The following IPCEF1 variants were observed in gnomAD, a reference collection of about 807,000 sequenced individuals.
IPCEF1 encodes interaction protein for cytohesin exchange factors 1.
Under a neutral mutation model 50.9 loss-of-function variants are expected in IPCEF1, and 31 were observed. The observed-to-expected ratio is 0.61, with a 90% CI of 0.46 to 0.82. The LOEUF (loss-of-function observed/expected upper bound fraction) is 0.82, where lower values mean the gene tolerates loss of function less well. IPCEF1 is among the 40% of genes least tolerant of loss of function. The pLI, the probability that IPCEF1 is intolerant of heterozygous loss-of-function variation, is 0.00. For missense variants in IPCEF1, 458 were observed against 514.0 expected (o/e 0.89, Z 1.05); for synonymous variants, 181 against 192.0 (o/e 0.94, Z 0.47).
At chr6:154,297,750 T>C (rs564090155) in intron 1 of IPCEF1, among the ~76,000 whole-genome samples, 1 of 152,354 alleles carries the variant, frequency 6.6e-6, no homozygotes, top group South Asian at 2.1e-4. Flanking sequence ...GGTCATTCTG[T>C]ACATACAGTT....
At chr6:154,303,087 T>C (rs1782838991) in intron 1 of IPCEF1, among the ~76,000 whole-genome samples, 1 of 136,928 alleles carries the variant, frequency 7.3e-6, no homozygotes, top group African/African-American at 2.7e-5. Context: ...ATAGCTATGA[T>C]AGCACTTTTT....
intron 6 of IPCEF1, among the ~76,000 whole-genome samples, chr6:154,222,539 T>C (rs1181794051): frequency 6.6e-6 from 1 of 152,152 alleles, no homozygotes. Context: ...GAGGAGCACT[T>C]GAATGAGAGT....
intron 7 of IPCEF1, among the ~76,000 whole-genome samples, chr6:154,214,680 T>C (rs1384999950): frequency 6.6e-6 from 1 of 152,196 alleles, no homozygotes; most frequent in Non-Finnish European, 1.5e-5. Context: ...TGTCAGTTTA[T>C]TTTAGAAAAA....
chr6:154,341,578 C>T (rs1211592987), intron 1 of IPCEF1, among the ~76,000 whole-genome samples: 2 of 152,186 alleles, frequency 1.3e-5, no homozygotes, highest in Admixed American at 1.3e-4. Context: ...CAGGCTAAAT[C>T]AGTTCCGGAT....
Position 154,199,988 on chromosome 6 carries a change from G to A in IPCEF1, c.590C>T (p.Ser197Phe). The A allele has an allele frequency of 6.2e-7, 1 of 1,614,182 alleles. No individual in the cohort carries two copies. Among genetic ancestry groups the A allele is most frequent in the East Asian group, 2.2e-5 (1 of 44,888 alleles). ...SSPSLSGTSY[S>F]FSSLENTVKT... is the part of the protein sequence containing the mutation. ...CACTGTATTTTCCAGGGAAGAGAAA[G>A]AATACGACGTTCCACTCAGGCTGGG... The change falls in exon 10 of 12, where the codon TCT (serine) becomes TTT (phenylalanine). Residue 197 changes from serine to phenylalanine, a missense_variant. Transcript: ENST00000367220.
chr6:154,284,646 T>G (rs961712111), intron 2 of IPCEF1, among the ~76,000 whole-genome samples: 1 of 152,164 alleles, frequency 6.6e-6, no homozygotes, highest in Admixed American at 6.5e-5. Flanking sequence ...CTGAGTGACT[T>G]TGTGGAGTAG....
At chr6:154,353,163 G>C (rs1784145685) in intron 1 of IPCEF1, among the ~76,000 whole-genome samples, 1 of 152,138 alleles carries the variant, frequency 6.6e-6, no homozygotes. Flanking sequence ...TAAATTTTAA[G>C]TGTCATTTCT....
At chr6:154,334,425 G>A (rs1030072645) in intron 1 of IPCEF1, among the ~76,000 whole-genome samples, 1 of 152,082 alleles carries the variant, frequency 6.6e-6, no homozygotes, top group Non-Finnish European at 1.5e-5. Flanking sequence ...AAGTATGTTT[G>A]GTATCTATGA....
At chr6:154,194,877 T>C (rs1217950113) in intron 10 of IPCEF1, among the ~76,000 whole-genome samples, 1 of 152,102 alleles carries the variant, frequency 6.6e-6, no homozygotes, top group Admixed American at 6.5e-5. Context: ...CCAATGATCA[T>C]ATATTCAAGG....
intron 1 of IPCEF1, among the ~76,000 whole-genome samples, chr6:154,349,194 T>C (rs1158773589): frequency 2.0e-5 from 3 of 150,524 alleles, no homozygotes; most frequent in Non-Finnish European, 3.0e-5. Context: ...TTATTATTAT[T>C]ATTATTATTA....
At chr6:154,308,487 T>A (rs2128679169) in intron 1 of IPCEF1, among the ~76,000 whole-genome samples, 1 of 152,248 alleles carries the variant, frequency 6.6e-6, no homozygotes, top group South Asian at 2.1e-4. Flanking sequence ...ATTTATCTTT[T>A]TACAAAACTT....
intron 5 of IPCEF1, among the ~76,000 whole-genome samples, chr6:154,226,916 G>T (rs567752177): frequency 6.6e-6 from 1 of 152,174 alleles, no homozygotes; most frequent in Non-Finnish European, 1.5e-5. Context: ...AATACTTCTG[G>T]CCAGGCGCAG....
intron 10 of IPCEF1, among the ~76,000 whole-genome samples, chr6:154,195,559 T>C (rs1776545885): frequency 6.6e-6 from 1 of 152,142 alleles, no homozygotes; most frequent in East Asian, 1.9e-4. Flanking sequence ...CTCAACCAAA[T>C]GTCCTTTCCA....
At chr6:154,306,355 C>A (rs1245796563) in intron 1 of IPCEF1, among the ~76,000 whole-genome samples, 1 of 151,726 alleles carries the variant, frequency 6.6e-6, no homozygotes, top group African/African-American at 2.4e-5. Flanking sequence ...CCTTTCATTT[C>A]TTTTTATTTT....
chr6:154,271,698 A>G (rs1271849975), intron 2 of IPCEF1, among the ~76,000 whole-genome samples: 1 of 152,144 alleles, frequency 6.6e-6, no homozygotes, highest in African/African-American at 2.4e-5. Context: ...TATGCTTAAA[A>G]CTAGGCCGGG....
chr6:154,253,159 A>G (rs1781378367), intron 3 of IPCEF1, among the ~76,000 whole-genome samples: 1 of 151,816 alleles, frequency 6.6e-6, no homozygotes. Flanking sequence ...CATTACACTA[A>G]CTTGAATGTG....
At chr6:154,231,667 A>G (rs961175914) in intron 5 of IPCEF1, among the ~76,000 whole-genome samples, 1 of 152,228 alleles carries the variant, frequency 6.6e-6, no homozygotes, top group Non-Finnish European at 1.5e-5. Flanking sequence ...ATTTGACTCA[A>G]TATACACACT....
intron 2 of IPCEF1, among the ~76,000 whole-genome samples, chr6:154,276,164 A>C (rs1320841672): frequency 6.6e-6 from 1 of 151,990 alleles, no homozygotes; most frequent in Non-Finnish European, 1.5e-5. Flanking sequence ...AGCCTGGGCA[A>C]CAGAGAGAGA....
At position 154,154,501 on chromosome 6, in the gene IPCEF1, A is replaced by G. The variant is rs1436833214; in HGVS notation, c.*5327T>C. 6.6e-6 allele frequency: 1 copy of G among 152,200 alleles called. No homozygotes were observed. The highest frequency in any genetic ancestry group is 1.5e-5 in the Non-Finnish European group (1 of 68,038). The allele number at this position is 152,200 out of a possible 1,614,324, so 9.4% of individuals were successfully genotyped here. The stretch of plus-strand genomic sequence containing the variant: ...TCGATTATTGTTGAAACAGATTTCC[A>G]ATATAATTAGATCTTTTATTTAAAA... On this transcript the variant is annotated 3_prime_UTR_variant, in exon 12 of 12. Transcript: ENST00000367220.
Sources: allele counts gnomAD v4.1 joint callset (sites outside exome capture counted in the v4.1 genomes callset), GRCh38; gene constraint gnomAD v4.1.1; transcripts MANE v1.5; gene names NCBI Gene and HGNC (gene_info 2026-07-23, HGNC 2026-07-21).